The following HS2ST1 variants were observed in gnomAD, a reference collection of about 807,000 sequenced individuals.
HS2ST1 encodes the protein 2-O-sulfotransferase.
Under a neutral mutation model 42.9 loss-of-function variants are expected in HS2ST1, and 18 were observed. The observed-to-expected ratio is 0.42, with a 90% CI of 0.29 to 0.62. The LOEUF (loss-of-function observed/expected upper bound fraction) is 0.62, where lower values mean the gene tolerates loss of function less well. Among genes scored for constraint, HS2ST1 ranks in the 20% least tolerant of loss-of-function variants. The pLI is 0.21. For missense variants in HS2ST1, 334 were observed against 433.8 expected (o/e 0.77, Z 2.04); for synonymous variants, 146 against 152.9 (o/e 0.95, Z 0.33).
chr1:87,028,609 TA>T (rs1191413968), intron 1 of HS2ST1, among the ~76,000 whole-genome samples: 1 of 152,232 alleles, frequency 6.6e-6, no homozygotes, highest in Admixed American at 6.5e-5. Flanking sequence ...GAAAGTGGAT[TA>T]AAACCTTATT....
chr1:87,095,432 C>T (rs918742939), intron 4 of HS2ST1, among the ~76,000 whole-genome samples: 10 of 152,122 alleles, frequency 6.6e-5, no homozygotes, highest in African/African-American at 4.8e-5. Flanking sequence ...TGAACTGCTC[C>T]GTGGTTACAC....
At chr1:86,949,319 G>A (rs1647433314) in intron 1 of HS2ST1, among the ~76,000 whole-genome samples, 1 of 152,184 alleles carries the variant, frequency 6.6e-6, no homozygotes, top group South Asian at 2.1e-4. Context: ...ATGTTGGCCA[G>A]GCTGGTCTCA....
chr1:86,973,033 T>C (rs1648281894), intron 1 of HS2ST1, among the ~76,000 whole-genome samples: 1 of 152,214 alleles, frequency 6.6e-6, no homozygotes, highest in African/African-American at 2.4e-5. Context: ...ACGATGTATG[T>C]CTTCTTTACT....
At chr1:87,090,232 C>T (rs894508265) in intron 3 of HS2ST1, among the ~76,000 whole-genome samples, 12 of 151,982 alleles carry the variant, frequency 7.9e-5, no homozygotes, top group African/African-American at 2.9e-4. Flanking sequence ...TATTAATATT[C>T]AGCACCTGTG....
intron 3 of HS2ST1, among the ~76,000 whole-genome samples, chr1:87,087,789 C>G (rs1163247797): frequency 6.6e-6 from 1 of 151,326 alleles, no homozygotes; most frequent in African/African-American, 2.5e-5. Flanking sequence ...GTGGGAGTTG[C>G]GTTTTTATTA....
At chr1:87,070,596 AAATAAT>A (rs922824360) in intron 1 of HS2ST1, among the ~76,000 whole-genome samples, 4 of 152,146 alleles carry the variant, frequency 2.6e-5, no homozygotes, top group African/African-American at 9.7e-5. Context: ...TGTCTCAAAA[AAATAAT>A]AATAATGTTC....
At chr1:87,097,027 T>C (rs1017242184) in intron 4 of HS2ST1, among the ~76,000 whole-genome samples, 2 of 152,212 alleles carry the variant, frequency 1.3e-5, no homozygotes, top group African/African-American at 4.8e-5. Flanking sequence ...ATCAAATGCC[T>C]CATGAAAATA....
At chr1:87,064,574 G>T (rs1014000280) in intron 1 of HS2ST1, 17 of 514,368 alleles carry the variant, frequency 3.3e-5, no homozygotes, top group Non-Finnish European at 6.2e-5. Context: ...GAAAGCATTT[G>T]TCAGTGTTCA....
chr1:86,983,738 T>TAA (rs35342652), intron 1 of HS2ST1, among the ~76,000 whole-genome samples: 13,146 of 146,148 alleles, frequency 0.09, 662 homozygotes, highest in Non-Finnish European at 0.12. Flanking sequence ...GGTGCTTATT[T>TAA]AAAAAAAAAA....
chr1:87,077,038 AAAATGC>A (rs1432861280), intron 2 of HS2ST1, among the ~76,000 whole-genome samples: 1 of 152,226 alleles, frequency 6.6e-6, no homozygotes, highest in Non-Finnish European at 1.5e-5. Flanking sequence ...ATCACTGGTT[AAAATGC>A]AGATTCAGAT....
chr1:87,018,220 A>G (rs1372689016), intron 1 of HS2ST1, among the ~76,000 whole-genome samples: 2 of 152,004 alleles, frequency 1.3e-5, no homozygotes, highest in Non-Finnish European at 2.9e-5. Flanking sequence ...TGCCCTGGGA[A>G]AATGGAGATG....
At chr1:86,952,012 G>A (rs1219210181) in intron 1 of HS2ST1, among the ~76,000 whole-genome samples, 1 of 152,154 alleles carries the variant, frequency 6.6e-6, no homozygotes, top group Admixed American at 6.5e-5. Flanking sequence ...ATCCCAGCAC[G>A]TGTAGTGACT....
At chr1:87,071,775 A>T (rs898877387) in intron 1 of HS2ST1, among the ~76,000 whole-genome samples, 1 of 151,484 alleles carries the variant, frequency 6.6e-6, no homozygotes, top group Admixed American at 6.6e-5. Flanking sequence ...GAGCTATCAG[A>T]TGCTTCCCTG....
intron 1 of HS2ST1, among the ~76,000 whole-genome samples, chr1:87,034,533 C>T (rs1018522717): frequency 2.0e-5 from 3 of 152,228 alleles, no homozygotes; most frequent in South Asian, 2.1e-4. Flanking sequence ...AACCATTCAA[C>T]GAACTACTTT....
Position 86,972,962 on chromosome 1 carries a change from C to T in HS2ST1, c.124+57802C>T, listed in dbSNP as rs572002175. On this transcript the variant is annotated intron_variant, in intron 1 of 6. Coordinates refer to ENST00000370550, the MANE Select transcript of HS2ST1 (RefSeq NM_012262.4). Reference sequence around the variant, plus strand: ...GTACAATGTGCTCTCATGATTGGGCCAGAGTTATGCATATTTGACAACAAT... The same window carrying T: ...GTACAATGTGCTCTCATGATTGGGCTAGAGTTATGCATATTTGACAACAAT... Among the ~76,000 whole-genome samples, 193 of 152,224 alleles carry T rather than the reference C, an allele frequency of 1.3e-3. 1 individual carries two copies. Among genetic ancestry groups the T allele is most frequent in the African/African-American group, 4.4e-3 (182 of 41,526 alleles).
At chr1:86,929,152 A>G (rs1011994225) in intron 1 of HS2ST1, among the ~76,000 whole-genome samples, 3 of 151,904 alleles carry the variant, frequency 2.0e-5, no homozygotes, top group African/African-American at 2.4e-5. Context: ...ATGATGTTCA[A>G]ATGAGATAAT....
Position 86,944,730 on chromosome 1 carries a change from G to T in HS2ST1, c.124+29570G>T, listed in dbSNP as rs757794797. 3.2e-4 allele frequency among the ~76,000 whole-genome samples: 48 copies of T among 152,064 alleles called. 1 individual carries two copies. Among genetic ancestry groups the T allele is most frequent in the Non-Finnish European group, 1.8e-4 (12 of 68,024 alleles). On this transcript the variant is annotated intron_variant, in intron 1 of 6. Coordinates refer to ENST00000370550, the MANE Select transcript of HS2ST1 (RefSeq NM_012262.4). ...TTTAATGGTAAAAGCATATTTGCTT[G>T]AAGAAAATGCTGTGGTGTGCCTTTT... is the stretch of plus-strand genomic sequence containing the variant.
At chr1:86,953,957 A>G (rs1647598034) in intron 1 of HS2ST1, among the ~76,000 whole-genome samples, 1 of 146,566 alleles carries the variant, frequency 6.8e-6, no homozygotes, top group Non-Finnish European at 1.5e-5. Context: ...CACAACTTGT[A>G]TTAAGTTCAC....
intron 3 of HS2ST1, among the ~76,000 whole-genome samples, chr1:87,085,904 T>A (rs1410574949): frequency 6.6e-6 from 1 of 152,206 alleles, no homozygotes; most frequent in Non-Finnish European, 1.5e-5. Flanking sequence ...ATCTCATTTA[T>A]TAAATGCTGA....
Sources: allele counts gnomAD v4.1 joint callset (sites outside exome capture counted in the v4.1 genomes callset), GRCh38; gene constraint gnomAD v4.1.1; transcripts MANE v1.5; gene names NCBI Gene and HGNC (gene_info 2026-07-23, HGNC 2026-07-21).